Variants in ZNF626 observed in about 807,000 individuals in gnomAD.
The protein encoded by ZNF626 is CTC-513N18.7.
In ZNF626, 4 loss-of-function variants were observed where a neutral mutation model predicts 11.7. That is an observed-to-expected ratio of 0.34 (90% CI 0.17 to 0.78). The LOEUF is 0.78. Among genes scored for constraint, ZNF626 ranks in the 30% least tolerant of loss-of-function variants. The probability of loss-of-function intolerance (pLI) is 0.57; values close to 1 mark genes in which losing one functional copy is unlikely to be tolerated. For synonymous variants in ZNF626, 179 were observed against 198.6 expected, an observed-to-expected ratio of 0.90 and a Z score of 0.83; for missense variants, 588 against 587.1, an observed-to-expected ratio of 1.00 and a Z score of -0.01.
chr19:20,625,481 T>C lies in ZNF626; in HGVS notation c.396A>G (p.Glu132=). 6.2e-7 allele frequency: 1 copy of C among 1,614,098 alleles called. No homozygotes were observed. The highest frequency in any genetic ancestry group is 8.5e-7 in the Non-Finnish European group (1 of 1,179,986). The change falls in exon 4 of 4, where the codon GAA becomes GAG. Residue 132 remains glutamate, a synonymous_variant. Transcript: ENST00000601440. ...ECKVHKEGYN[E]LNQCLTTTPR... Reference sequence around the variant, plus strand: ...GGGTAGTTGTCAAACATTGGTTAAGTTCATTATAACCTTCTTTGTGCACCT... The same window carrying C: ...GGGTAGTTGTCAAACATTGGTTAAGCTCATTATAACCTTCTTTGTGCACCT...
chr19:20,642,791 G>A (rs1238381900), intron 3 of ZNF626, among the ~76,000 whole-genome samples: 4 of 152,104 alleles, frequency 2.6e-5, no homozygotes, highest in Non-Finnish European at 5.9e-5. Flanking sequence ...GCTGAGGCGG[G>A]CGGATCACCT....
chr19:20,629,961 C>T (rs1969884443), intron 3 of ZNF626, among the ~76,000 whole-genome samples: 1 of 152,066 alleles, frequency 6.6e-6, no homozygotes, highest in Non-Finnish European at 1.5e-5. Flanking sequence ...CCATCAATAC[C>T]TAATTTATTG....
chr19:20,645,368 T>C lies in ZNF626; in HGVS notation c.226+316A>G, dbSNP rs567254639. On this transcript the variant is annotated intron_variant, in intron 3 of 3. Transcript: ENST00000601440. ...AGACATTTGTGCGTCCCAAAAATTATGGAAAAGCAGCCACACTGTGCAGTC... is the reference window on the plus strand; with the variant it reads ...AGACATTTGTGCGTCCCAAAAATTACGGAAAAGCAGCCACACTGTGCAGTC... 8 of 1,581,334 alleles carry C rather than the reference T, an allele frequency of 5.1e-6. No homozygotes were observed. In the East Asian group the frequency reaches 9.0e-5, roughly 18 times the overall value.
At position 20,661,473 on chromosome 19, in the gene ZNF626, C is replaced by T. The variant is rs782681502; in HGVS notation, c.-27G>A. 2 of 1,613,378 alleles carry T rather than the reference C, an allele frequency of 1.2e-6. No individual in the cohort carries two copies. The highest frequency in any genetic ancestry group is 1.7e-6 in the Non-Finnish European group (2 of 1,179,550). ...TTTGGCTTCCAGGAGGTCCCGGTGT[C>T]TTAGCTGTGGATCTCCCAATACCTG... On this transcript the variant is annotated 5_prime_UTR_variant, in exon 1 of 4. Coordinates refer to ENST00000601440, the MANE Select transcript of ZNF626 (RefSeq NM_001076675.3).
At chr19:20,649,458 A>G (rs1431432037) in intron 1 of ZNF626, among the ~76,000 whole-genome samples, 1 of 152,160 alleles carries the variant, frequency 6.6e-6, no homozygotes, top group Non-Finnish European at 1.5e-5. Context: ...CAAACAGAAC[A>G]GGCCCTGTGA....
rs1471300796 is a variant in ZNF626 at position 20,631,755 on chromosome 19, G to T, written c.227-6105C>A. On this transcript the variant is annotated intron_variant, in intron 3 of 3. Transcript: ENST00000601440. ...GACTCTTTATCCAATTTGCCAGTCT[G>T]TGTCTTTTAATTGGAGCATTTAGCC... Among the ~76,000 whole-genome samples, 8 of 151,432 alleles carry T rather than the reference G, an allele frequency of 5.3e-5. No homozygotes were observed. In the East Asian group the frequency reaches 1.6e-3, roughly 29 times the overall value.
chr19:20,650,419 T>C (rs1555772475), intron 1 of ZNF626, among the ~76,000 whole-genome samples: 1 of 152,210 alleles, frequency 6.6e-6, no homozygotes, highest in Non-Finnish European at 1.5e-5. Flanking sequence ...CTAAATAGAA[T>C]GTCTCTGCAA....
At chr19:20,641,006 G>C (rs1376111714) in intron 3 of ZNF626, among the ~76,000 whole-genome samples, 1 of 151,860 alleles carries the variant, frequency 6.6e-6, no homozygotes, top group Admixed American at 6.6e-5. Flanking sequence ...CATGGTCGTG[G>C]GCGCCTAAAA....
In ZNF626 at chr19:20,620,224, A is replaced by G. The variant is rs1969741938; in HGVS notation, c.*4066T>C. The G allele has an allele frequency of 6.6e-6, 1 of 152,166 alleles. No individual in the cohort carries two copies. The highest frequency in any genetic ancestry group is 6.5e-5 in the Admixed American group (1 of 15,278). The allele number at this position is 152,166 out of a possible 1,614,324, so 9.4% of individuals were successfully genotyped here. ...ACGGATTCTGGGGAGAATCCGAGCC[A>G]TAAGCCATAAAATTTTATATTAATA... On this transcript the variant is annotated 3_prime_UTR_variant, in exon 4 of 4. Transcript: ENST00000601440.
intron 1 of ZNF626, 29 bp downstream of exon 1, chr19:20,661,415 C>G (rs2144800896): frequency 5.0e-6 from 8 of 1,613,790 alleles, no homozygotes; most frequent in Non-Finnish European, 6.8e-6. Flanking sequence ...TCCCTCTCCT[C>G]TCTCGGGATG....
intron 3 of ZNF626, among the ~76,000 whole-genome samples, chr19:20,635,554 A>G (rs1288387213): frequency 6.6e-6 from 1 of 152,056 alleles, no homozygotes; most frequent in Non-Finnish European, 1.5e-5. Flanking sequence ...ATCTTCTGAC[A>G]CCGTGATCCA....
At chr19:20,649,005 A>G (rs1271694673) in intron 1 of ZNF626, among the ~76,000 whole-genome samples, 1 of 152,216 alleles carries the variant, frequency 6.6e-6, no homozygotes, top group Non-Finnish European at 1.5e-5. Context: ...TAGGGAGGAA[A>G]AACACAAGTA....
chr19:20,652,089 A>T (rs1389414306), intron 1 of ZNF626, among the ~76,000 whole-genome samples: 1 of 152,212 alleles, frequency 6.6e-6, no homozygotes, highest in Admixed American at 6.5e-5. Flanking sequence ...ACAATGCAGA[A>T]AATGCCTTTT....
chr19:20,635,903 C>T (rs4808255), intron 3 of ZNF626, among the ~76,000 whole-genome samples: 46,069 of 151,882 alleles, frequency 0.3, 7,865 homozygotes, highest in East Asian at 0.47. Flanking sequence ...GAGGCCGAGG[C>T]AGGCAGACCA....
In ZNF626 at chr19:20,625,568, A is replaced by T. The variant is rs61741861; in HGVS notation, c.309T>A (p.Tyr103Ter). The change falls in exon 4 of 4, where the codon TAT becomes TAA. Residue 103 changes from tyrosine (Y) to a stop codon, truncating the protein, a stop_gained. Coordinates refer to ENST00000601440, the MANE Select transcript of ZNF626 (RefSeq NM_001076675.3). LOFTEE classifies it low-confidence loss of function (END_TRUNC). ...GTAAATTGTCATGTTCACATTTTTC[A>T]TATCTTCTCAGTACCACTTTTTGGA... ...DSFQKVVLRR[Y>*]EKCEHDNLQL... 1 of 1,611,468 alleles carries T rather than the reference A, an allele frequency of 6.2e-7. No homozygotes were observed. Among genetic ancestry groups the T allele is most frequent in the South Asian group, 1.1e-5 (1 of 90,472 alleles).
rs1293931992 is a variant in ZNF626, at chr19:20,641,287, TGGAATATTATTCCACCTTAA to T, written c.226+4377_226+4396del. Among the ~76,000 whole-genome samples the T allele has an allele frequency of 3.3e-5, 5 of 152,296 alleles. 1 individual carries two copies. The highest frequency in any genetic ancestry group is 1.2e-4 in the African/African-American group (5 of 41,564). The stretch of plus-strand genomic sequence containing the variant: ...CAAAAAATATAACATATACATAAAA[TGGAATATTATTCCACCTTAA>T]ATAAAACAATCTTGTCACATTTTAA... On this transcript the variant is annotated intron_variant, in intron 3 of 3. Coordinates refer to ENST00000601440, the MANE Select transcript of ZNF626 (RefSeq NM_001076675.3).
At position 20,619,979 on chromosome 19, in the gene ZNF626, T is replaced by A. The variant is rs1282392008; in HGVS notation, c.*4311A>T. 6.6e-6 allele frequency: 1 copy of A among 152,176 alleles called. No individual in the cohort carries two copies. The highest frequency in any genetic ancestry group is 1.5e-5 in the Non-Finnish European group (1 of 68,026). The allele number at this position is 152,176 out of a possible 1,614,324, so 9.4% of individuals were successfully genotyped here. A position where few individuals can be genotyped will look rare whatever the true frequency, so the allele number is the denominator to read the frequency against. On this transcript the variant is annotated 3_prime_UTR_variant, in exon 4 of 4. Transcript: ENST00000601440. ...AGTTTTATTCATTACAAATATTAAC[T>A]AACATCTTTTTTTCTGGCTTAAATT...
chr19:20,645,434 C>A, intron 3 of ZNF626: 1 of 1,611,956 alleles, frequency 6.2e-7, no homozygotes, highest in African/African-American at 1.3e-5. Flanking sequence ...TCACTGTGAA[C>A]TTGAAGGAAG....
chr19:20,624,915 G>T lies in ZNF626; in HGVS notation c.962C>A (p.Ala321Asp), dbSNP rs1479177058. 1 of 1,613,722 alleles carries T rather than the reference G, an allele frequency of 6.2e-7. No homozygotes were observed. Among genetic ancestry groups the T allele is most frequent in the South Asian group, 1.1e-5 (1 of 91,056 alleles). Residue 321 changes from alanine (A) to aspartate (D), a missense_variant, in exon 4 of 4, where the codon GCC becomes GAC. Coordinates refer to ENST00000601440, the MANE Select transcript of ZNF626 (RefSeq NM_001076675.3). ...AGTAAGGGTATAGGAGTACTTAAAG[G>T]CTTTGTCACATTCTTCACATTTGTA... ...KPYKCEECDK[A>D]FKYSYTLTTH...
Sources: gnomAD v4.1 joint callset for allele counts (sites outside exome capture counted in the v4.1 genomes callset) on GRCh38, gnomAD v4.1.1 for gene constraint, MANE v1.5 for transcripts, NCBI Gene and HGNC (gene_info 2026-07-23, HGNC 2026-07-21) for gene names.